WDFY4: variants seen among roughly 807,000 people sequenced by gnomAD.
WDFY4 encodes WD repeat- and FYVE domain-containing protein 4.
Under a neutral mutation model 351.9 loss-of-function variants are expected in WDFY4, and 169 were observed. The observed-to-expected ratio is 0.48, with a 90% CI of 0.42 to 0.55. The LOEUF (loss-of-function observed/expected upper bound fraction) is 0.55, where lower values mean the gene tolerates loss of function less well. Among genes scored for constraint, WDFY4 ranks in the 20% least tolerant of loss-of-function variants. The probability of loss-of-function intolerance (pLI) is 0.00; values close to 1 mark genes in which losing one functional copy is unlikely to be tolerated. For synonymous variants in WDFY4, 1,622 were observed against 1,574.6 expected (o/e 1.03, Z -0.71); for missense variants, 3,803 against 3,935.6 (o/e 0.97, Z 0.90).
chr10:48,699,440 G>T (rs1366007674), intron 1 of WDFY4, among the ~76,000 whole-genome samples: 2 of 152,178 alleles, frequency 1.3e-5, no homozygotes, highest in Non-Finnish European at 2.9e-5. Context: ...ACCGATGTGG[G>T]CAAGGACTTT....
intron 47 of WDFY4, among the ~76,000 whole-genome samples, 155 bp downstream of exon 47, chr10:48,902,018 C>G (rs1369338531): frequency 6.6e-6 from 1 of 152,262 alleles, no homozygotes; most frequent in Non-Finnish European, 1.5e-5. Flanking sequence ...CTTCATCCTA[C>G]TCCTGAAATT....
chr10:48,753,129 A>AT (rs536554250), intron 12 of WDFY4, among the ~76,000 whole-genome samples: 12 of 152,128 alleles, frequency 7.9e-5, no homozygotes, highest in African/African-American at 2.7e-4. Context: ...ATAATGTTGA[A>AT]TTTTTTTATG....
At position 48,866,975 on chromosome 10, in the gene WDFY4, A is replaced by T. The variant is rs572554943; in HGVS notation, c.6664-290A>T. ...CACCTGAGGTCAGAAGTTCAAGACCAGCCTGGCCAATGTGGTGAAACCTGT... is the reference window on the plus strand; with the variant it reads ...CACCTGAGGTCAGAAGTTCAAGACCTGCCTGGCCAATGTGGTGAAACCTGT... On this transcript the variant is annotated intron_variant, in intron 39 of 61. Coordinates refer to ENST00000325239, the MANE Select transcript of WDFY4 (RefSeq NM_001394531.1). 2.0e-5 allele frequency among the ~76,000 whole-genome samples: 3 copies of T among 152,132 alleles called. No homozygotes were observed. In the South Asian group the frequency reaches 6.2e-4, roughly 32 times the overall value.
intron 48 of WDFY4, 31 bp downstream of exon 48, chr10:48,941,879 T>C: frequency 6.4e-7 from 1 of 1,551,080 alleles, no homozygotes. Context: ...GGAAGCCCTC[T>C]GGGAATGCAA....
At chr10:48,692,628 G>A (rs1040213547) in intron 1 of WDFY4, among the ~76,000 whole-genome samples, 3 of 152,292 alleles carry the variant, frequency 2.0e-5, no homozygotes, top group East Asian at 1.9e-4. Context: ...AAGGAGGAAC[G>A]GGATGGGAGC....
At chr10:48,813,278 C>T (rs941060017) in intron 30 of WDFY4, among the ~76,000 whole-genome samples, 1 of 152,210 alleles carries the variant, frequency 6.6e-6, no homozygotes, top group Non-Finnish European at 1.5e-5. Flanking sequence ...TAAATATTGA[C>T]ATATGCTAAT....
At chr10:48,773,962 C>T (rs1320335631) in intron 13 of WDFY4, among the ~76,000 whole-genome samples, 1 of 152,104 alleles carries the variant, frequency 6.6e-6, no homozygotes, top group Admixed American at 6.5e-5. Flanking sequence ...GATGTTGGAC[C>T]CCTGGAGGGC....
intron 5 of WDFY4, among the ~76,000 whole-genome samples, chr10:48,724,523 T>G (rs932452890): frequency 6.6e-6 from 1 of 152,130 alleles, no homozygotes; most frequent in Non-Finnish European, 1.5e-5. Flanking sequence ...CCAGGCACTT[T>G]CACAAATGTT....
chr10:48,882,523 G>A (rs540733174), intron 43 of WDFY4, among the ~76,000 whole-genome samples: 1 of 152,260 alleles, frequency 6.6e-6, no homozygotes, highest in Admixed American at 6.5e-5. Flanking sequence ...TTCCTGAGAT[G>A]GGGTAATTTA....
chr10:48,979,199 A>G (rs1222440009), intron 60 of WDFY4, among the ~76,000 whole-genome samples: 6 of 152,152 alleles, frequency 3.9e-5, no homozygotes, highest in Non-Finnish European at 5.9e-5. Flanking sequence ...CAGATCAAGA[A>G]CTCCGTCAGT....
In WDFY4 at chr10:48,823,718, TC is replaced by T. The variant is rs529985210; in HGVS notation, c.5982+1184del. On this transcript the variant is annotated intron_variant, in intron 35 of 61. Coordinates refer to ENST00000325239, the MANE Select transcript of WDFY4 (RefSeq NM_001394531.1). ...CTAAAGCATGGACTCCCAGCTAATA[TC>T]CCAAACATAGGTGCCAGTGGGGGCC... 200 of 993,484 alleles carry T rather than the reference TC, an allele frequency of 2.0e-4. 1 individual carries two copies. In the African/African-American group the frequency reaches 3.3e-3, roughly 16 times the overall value. 61.5% of individuals were successfully genotyped at this position (993,484 alleles called of 1,614,324 possible). A position where few individuals can be genotyped will look rare whatever the true frequency, so the allele number is the denominator to read the frequency against.
chr10:48,816,973 T>C (rs2067640468), intron 31 of WDFY4, among the ~76,000 whole-genome samples: 1 of 152,124 alleles, frequency 6.6e-6, no homozygotes, highest in South Asian at 2.1e-4. Context: ...ACTTAAAAGA[T>C]AAGAGAAAAA....
At chr10:48,721,170 A>G (rs1192263990) in intron 3 of WDFY4, 91 bp from the exon 4 acceptor site, 2 of 1,244,070 alleles carry the variant, frequency 1.6e-6, no homozygotes, top group Non-Finnish European at 2.3e-6. Context: ...ACAGATGCTC[A>G]GGCACATCTC....
At chr10:48,706,276 C>T (rs1162552348) in intron 1 of WDFY4, among the ~76,000 whole-genome samples, 1 of 152,170 alleles carries the variant, frequency 6.6e-6, no homozygotes, top group Non-Finnish European at 1.5e-5. Flanking sequence ...GACATAACAT[C>T]CTTGCCTTCA....
chr10:48,973,522 G>A (rs991042599), intron 57 of WDFY4, among the ~76,000 whole-genome samples: 5 of 152,236 alleles, frequency 3.3e-5, no homozygotes, highest in African/African-American at 1.2e-4. Flanking sequence ...ATGAGTGATT[G>A]TCTCTGCCCT....
In WDFY4 at chr10:48,787,907, T is replaced by C. The variant is rs989160439; in HGVS notation, c.3809-623T>C. Among the ~76,000 whole-genome samples, 52 of 37,896 alleles carry C rather than the reference T, an allele frequency of 1.4e-3. 1 individual carries two copies. The highest frequency in any genetic ancestry group is 6.6e-3 in the African/African-American group (47 of 7,160). 24.9% of individuals were successfully genotyped at this position (37,896 alleles called of 152,430 possible). Reference sequence around the variant, plus strand: ...CTTCTTCTTCTCCTTCTTCTTCTTCTTCTTCTTCTTCTTCTTCTTCTTCTT... The same window carrying C: ...CTTCTTCTTCTCCTTCTTCTTCTTCCTCTTCTTCTTCTTCTTCTTCTTCTT... On this transcript the variant is annotated intron_variant, in intron 20 of 61. Transcript: ENST00000325239.
chr10:48,962,516 C>G (rs1841906227), intron 53 of WDFY4, among the ~76,000 whole-genome samples: 1 of 152,224 alleles, frequency 6.6e-6, no homozygotes, highest in African/African-American at 2.4e-5. Context: ...TATCGAGACA[C>G]TGGGCCATAC....
chr10:48,972,279 G>T (rs2131843777), intron 57 of WDFY4, among the ~76,000 whole-genome samples: 1 of 152,276 alleles, frequency 6.6e-6, no homozygotes. Context: ...CTCACAGGCG[G>T]TTCAAAAAGT....
chr10:48,931,918 T>A (rs993211105), intron 47 of WDFY4, among the ~76,000 whole-genome samples: 1 of 152,194 alleles, frequency 6.6e-6, no homozygotes, highest in Admixed American at 6.5e-5. Flanking sequence ...CCCTGGCAGC[T>A]TCTAGATAGG....
Sources: allele counts gnomAD v4.1 joint callset (sites outside exome capture counted in the v4.1 genomes callset), GRCh38; gene constraint gnomAD v4.1.1; transcripts MANE v1.5; gene names NCBI Gene and HGNC (gene_info 2026-07-23, HGNC 2026-07-21).